Variants in MCPH1 observed in about 807,000 individuals in gnomAD.
MCPH1 encodes the protein microcephalin.
In MCPH1, 104 loss-of-function variants were observed where a neutral mutation model predicts 84.5. That is an observed-to-expected ratio of 1.23 (90% CI 1.05 to 1.45). MCPH1 has a LOEUF of 1.45. MCPH1 is among the 40% of genes most tolerant of loss of function. The pLI is 0.00. For missense variants in MCPH1, 1,498 were observed against 1,005.7 expected (o/e 1.49, Z -6.62); for synonymous variants, 514 against 366.8 (o/e 1.40, Z -4.58).
chr8:6,483,920 A>G (rs1249350720), intron 11 of MCPH1, among the ~76,000 whole-genome samples: 1 of 152,212 alleles, frequency 6.6e-6, no homozygotes, highest in Non-Finnish European at 1.5e-5. Flanking sequence ...TCTATACCTT[A>G]CACGAGCCAC....
chr8:6,610,730 C>T (rs773601903), intron 12 of MCPH1, among the ~76,000 whole-genome samples: 10 of 152,108 alleles, frequency 6.6e-5, no homozygotes, highest in Non-Finnish European at 8.8e-5. Context: ...TTTCCCAGAG[C>T]CTGGGGGTCT....
chr8:6,584,991 G>A (rs1450782431), intron 12 of MCPH1, among the ~76,000 whole-genome samples: 1 of 152,220 alleles, frequency 6.6e-6, no homozygotes, highest in Non-Finnish European at 1.5e-5. Flanking sequence ...CAAGGCTCAT[G>A]AAGCAGTAGA....
At chr8:6,581,626 C>G (rs1827573355) in intron 12 of MCPH1, among the ~76,000 whole-genome samples, 1 of 152,182 alleles carries the variant, frequency 6.6e-6, no homozygotes, top group Non-Finnish European at 1.5e-5. Flanking sequence ...AACACGCAGA[C>G]TGTGTGTGGC....
intron 4 of MCPH1, among the ~76,000 whole-genome samples, chr8:6,435,503 G>A (rs1802513869): frequency 2.0e-5 from 3 of 152,114 alleles, no homozygotes; most frequent in Non-Finnish European, 4.4e-5. Context: ...ACTGGGTTGT[G>A]TCACAAGGTG....
In MCPH1 at chr8:6,488,017, A is replaced by T. The variant is rs76934358; in HGVS notation, c.2136+7141A>T. On this transcript the variant is annotated intron_variant, in intron 11 of 13. Transcript: ENST00000344683. ...CATTTATCTCCAGGACACCTAATTT[A>T]TACTTTTTCCTGATTAAAATAATGG... Among the ~76,000 whole-genome samples the T allele has an allele frequency of 8.7e-3, 1,322 of 152,332 alleles. 20 individuals carry two copies. The highest frequency in any genetic ancestry group is 0.03 in the African/African-American group (1,240 of 41,574).
chr8:6,605,816 G>A (rs574484070), intron 12 of MCPH1, among the ~76,000 whole-genome samples: 2 of 152,262 alleles, frequency 1.3e-5, no homozygotes, highest in South Asian at 2.1e-4. Flanking sequence ...TCGTGCCTCA[G>A]ACTCCCAAGT....
intron 9 of MCPH1, 84 bp downstream of exon 9, chr8:6,455,336 GTCTA>G: frequency 1.0e-6 from 1 of 980,274 alleles, no homozygotes; most frequent in Non-Finnish European, 1.6e-6. Context: ...ACATAAACCA[GTCTA>G]TCTGACTTGT....
intron 1 of MCPH1, chr8:6,407,009 G>A: frequency 2.8e-6 from 1 of 362,758 alleles, no homozygotes. Flanking sequence ...CGTGCTGCTA[G>A]TTCCCCTCAA....
intron 12 of MCPH1, among the ~76,000 whole-genome samples, chr8:6,604,820 C>T (rs1043407676): frequency 6.6e-6 from 1 of 152,318 alleles, no homozygotes; most frequent in Admixed American, 6.5e-5. Context: ...TACTTTTATA[C>T]TATGAACAAA....
chr8:6,531,186 G>A (rs73507122), intron 12 of MCPH1, among the ~76,000 whole-genome samples: 2,329 of 151,616 alleles, frequency 0.015, 59 homozygotes, highest in African/African-American at 0.053. Context: ...CAGGCCGTTC[G>A]CTGGGTCACA....
intron 11 of MCPH1, among the ~76,000 whole-genome samples, chr8:6,483,837 G>C (rs1451979242): frequency 6.6e-6 from 1 of 152,030 alleles, no homozygotes; most frequent in Non-Finnish European, 1.5e-5. Flanking sequence ...TGCAGCCTGG[G>C]TGACAGAGAG....
At chr8:6,415,027 T>G in intron 3 of MCPH1, 144 bp downstream of exon 3, 1 of 771,592 alleles carries the variant, frequency 1.3e-6, no homozygotes, top group Non-Finnish European at 2.1e-6. Flanking sequence ...TTTGAAATCC[T>G]CCAGCCTCAA....
chr8:6,429,226 G>A (rs1475063358), intron 3 of MCPH1, among the ~76,000 whole-genome samples: 7 of 152,156 alleles, frequency 4.6e-5, no homozygotes, highest in African/African-American at 1.7e-4. Flanking sequence ...AAAACTTTTT[G>A]TTTTCCCTGA....
chr8:6,502,752 A>T (rs1329684688), intron 12 of MCPH1: 3 of 290,732 alleles, frequency 1.0e-5, no homozygotes, highest in Non-Finnish European at 2.0e-5. Flanking sequence ...GTATAACATA[A>T]GTGTTCTGTT....
chr8:6,509,480 G>T (rs1352511669), intron 12 of MCPH1, among the ~76,000 whole-genome samples: 1 of 152,216 alleles, frequency 6.6e-6, no homozygotes, highest in Non-Finnish European at 1.5e-5. Context: ...CCCCGGGGGG[G>T]ATGGAGAATG....
intron 12 of MCPH1, among the ~76,000 whole-genome samples, chr8:6,545,849 C>T (rs138606433): frequency 0.013 from 1,987 of 152,272 alleles, 16 homozygotes; most frequent in Middle Eastern, 0.041. Context: ...AAAGTGAAAT[C>T]GATTGAATTT....
At chr8:6,512,646 A>G (rs1176327825) in intron 12 of MCPH1, among the ~76,000 whole-genome samples, 1 of 152,058 alleles carries the variant, frequency 6.6e-6, no homozygotes, top group East Asian at 1.9e-4. Flanking sequence ...CTTGTGTACC[A>G]GCATTACTGT....
intron 8 of MCPH1, chr8:6,445,826 G>T: frequency 8.6e-7 from 1 of 1,163,898 alleles, no homozygotes. Flanking sequence ...TCCATAGTAT[G>T]AATAACTGAG....
chr8:6,534,451 G>C (rs966779482), intron 12 of MCPH1, among the ~76,000 whole-genome samples: 1 of 152,140 alleles, frequency 6.6e-6, no homozygotes, highest in Admixed American at 6.5e-5. Context: ...TCAAGGGACA[G>C]TTGTACTAGA....
Sources: allele counts gnomAD v4.1 joint callset (sites outside exome capture counted in the v4.1 genomes callset), GRCh38; gene constraint gnomAD v4.1.1; transcripts MANE v1.5; gene names NCBI Gene and HGNC (gene_info 2026-07-23, HGNC 2026-07-21).